NINJ1: variants seen among roughly 807,000 people sequenced by gnomAD.
The protein encoded by NINJ1 is ninjurin 1.
Under a neutral mutation model 12.7 loss-of-function variants are expected in NINJ1, and 6 were observed. The ratio of observed to expected loss-of-function variants is 0.47; its 90% CI spans 0.26 to 0.93. The LOEUF (loss-of-function observed/expected upper bound fraction) is 0.93. Ranked by LOEUF, NINJ1 falls within the 40% of genes least tolerant of loss-of-function variation. NINJ1 has a pLI of 0.15. For synonymous variants in NINJ1, 100 were observed against 96.0 expected (o/e 1.04, Z -0.25); for missense variants, 170 against 213.0 (o/e 0.80, Z 1.26).
chr9:93,125,190 T>G (rs1027712719), intron 2 of NINJ1, 128 bp from the exon 3 acceptor site: 20 of 884,608 alleles, frequency 2.3e-5, no homozygotes, highest in Non-Finnish European at 3.2e-5. Flanking sequence ...CTCAGTCGCA[T>G]TTAGGATGAG....
chr9:93,126,074 G>A, intron 2 of NINJ1: 2 of 318,132 alleles, frequency 6.3e-6, no homozygotes, highest in Non-Finnish European at 5.8e-6. Context: ...ATGAGCGCCT[G>A]TAATCCCAGT....
rs767667390 is a variant in NINJ1 at position 93,126,666 on chromosome 9, C to T, written c.76-28G>A. The stretch of plus-strand genomic sequence containing the variant: ...GCAGGGAGGGGAATGGTCAGCAAGG[C>T]GGGTGGGGGAGGGGGGCAAGGGCTG... On this transcript the variant is annotated intron_variant, in intron 1 of 3. Coordinates refer to ENST00000375446, the MANE Select transcript of NINJ1 (RefSeq NM_004148.4). The T allele has an allele frequency of 1.5e-5, 13 of 884,306 alleles. No homozygotes were observed. In the East Asian group the frequency reaches 2.2e-4, roughly 15 times the overall value. The allele number at this position is 884,306 out of a possible 1,614,324, so 54.8% of individuals were successfully genotyped here. A position where few individuals can be genotyped will look rare whatever the true frequency, so the allele number is the denominator to read the frequency against.
chr9:93,126,327 G>C, intron 2 of NINJ1, 83 bp downstream of exon 2: 1 of 1,222,690 alleles, frequency 8.2e-7, no homozygotes, highest in Non-Finnish European at 1.2e-6. Context: ...AGTGTGCAAG[G>C]TGGTGGGCAC....
At chr9:93,129,328 G>A (rs908993693) in intron 1 of NINJ1, among the ~76,000 whole-genome samples, 8 of 152,200 alleles carry the variant, frequency 5.3e-5, no homozygotes, top group Non-Finnish European at 1.0e-4. Context: ...AGCTGTGTCC[G>A]GACAACTAGC....
rs750690017 is a variant in NINJ1 at position 93,126,507 on chromosome 9, T to C, written c.207A>G (p.Glu69=). ...CATAGAAGGCGAAGCTGGGGCCCTG[T>C]TCCACGACGGCCTTCAGCTGGGACG... ...ANASQLKAVV[E]QGPSFAFYVP... is the part of the protein sequence containing the mutation. Residue 69 remains glutamate (E), a synonymous_variant, in exon 2 of 4, where the codon GAA becomes GAG. Coordinates refer to ENST00000375446, the MANE Select transcript of NINJ1 (RefSeq NM_004148.4). 1 of 1,614,156 alleles carries C rather than the reference T, an allele frequency of 6.2e-7. No individual in the cohort carries two copies. The highest frequency in any genetic ancestry group is 2.2e-5 in the East Asian group (1 of 44,880).
rs371520758 is a variant in NINJ1 at position 93,126,406 on chromosome 9, C to T, written c.304+4G>A. On this transcript the variant is annotated splice_donor_region_variant and intron_variant, in intron 2 of 3. Transcript: ENST00000375446. ...GGCCTGGCTGCCCCCACCTGGGGAC[C>T]TACCAAGGAAGATGAGCAGCACCCC... The T allele has an allele frequency of 8.1e-6, 13 of 1,610,192 alleles. No homozygotes were observed. The highest frequency in any genetic ancestry group is 1.1e-5 in the Non-Finnish European group (13 of 1,177,340).
chr9:93,123,747 G>A (rs1827769351), intron 3 of NINJ1, among the ~76,000 whole-genome samples: 1 of 152,216 alleles, frequency 6.6e-6, no homozygotes, highest in Non-Finnish European at 1.5e-5. Context: ...AACCGGAGGG[G>A]TGACCCCTAG....
Position 93,125,038 on chromosome 9 carries a change from G to C in NINJ1, c.329C>G (p.Ala110Gly), listed in dbSNP as rs2275848. 6.2e-7 allele frequency: 1 copy of C among 1,613,476 alleles called. No individual in the cohort carries two copies. The highest frequency in any genetic ancestry group is 8.5e-7 in the Non-Finnish European group (1 of 1,179,732). Residue 110 changes from alanine to glycine, a missense_variant, in exon 3 of 4, where the codon GCC becomes GGC. Transcript: ENST00000375446. ...FLVKYDLNNP[A>G]KHAKLDFLNN... is the part of the protein sequence containing the mutation. ...GAGGAAGTCCAGCTTGGCGTGCTTG[G>C]CCGGGTTGTTAAGGTCGTACTTGAC...
intron 3 of NINJ1, among the ~76,000 whole-genome samples, chr9:93,122,914 A>T (rs933822285): frequency 6.6e-6 from 1 of 152,232 alleles, no homozygotes; most frequent in African/African-American, 2.4e-5. Context: ...CAGGTGATTA[A>T]TAAATGGCCT....
intron 2 of NINJ1, chr9:93,126,128 T>C (rs1025542317): frequency 2.2e-6 from 1 of 447,222 alleles, no homozygotes; most frequent in African/African-American, 2.0e-5. Context: ...GCCCAGGAGA[T>C]GCAGCTTGCA....
chr9:93,128,042 G>A (rs1827838136), intron 1 of NINJ1, among the ~76,000 whole-genome samples: 1 of 152,196 alleles, frequency 6.6e-6, no homozygotes, highest in Non-Finnish European at 1.5e-5. Flanking sequence ...GGCGTCAGGG[G>A]ACACTGGTGG....
At chr9:93,128,868 A>G (rs1470799586) in intron 1 of NINJ1, among the ~76,000 whole-genome samples, 1 of 152,260 alleles carries the variant, frequency 6.6e-6, no homozygotes, top group African/African-American at 2.4e-5. Flanking sequence ...TGTGCACACA[A>G]TACGCACACA....
At chr9:93,127,837 T>C (rs774728973) in intron 1 of NINJ1, among the ~76,000 whole-genome samples, 1 of 152,182 alleles carries the variant, frequency 6.6e-6, no homozygotes, top group Non-Finnish European at 1.5e-5. Context: ...TCATGAAAGA[T>C]GCAGGCCGGG....
chr9:93,123,772 G>C (rs189548592), intron 3 of NINJ1, among the ~76,000 whole-genome samples: 1 of 152,202 alleles, frequency 6.6e-6, no homozygotes, highest in Non-Finnish European at 1.5e-5. Flanking sequence ...AAGGTCGCGG[G>C]GACTGTGGTG....
chr9:93,129,582 G>A (rs1353356313), intron 1 of NINJ1, among the ~76,000 whole-genome samples: 2 of 152,140 alleles, frequency 1.3e-5, no homozygotes, highest in Non-Finnish European at 2.9e-5. Flanking sequence ...CTCCCCCTCC[G>A]TTGGCCTCAG....
intron 1 of NINJ1, among the ~76,000 whole-genome samples, chr9:93,127,383 A>G (rs887328363): frequency 6.6e-6 from 1 of 152,138 alleles, no homozygotes; most frequent in African/African-American, 2.4e-5. Context: ...TTAGGGGCCT[A>G]TCTGGTCAGG....
At position 93,126,515 on chromosome 9, in the gene NINJ1, C is replaced by T. The variant is rs368328185; in HGVS notation, c.199G>A (p.Val67Ile). The T allele has an allele frequency of 2.0e-5, 33 of 1,614,068 alleles. No homozygotes were observed. Among genetic ancestry groups the T allele is most frequent in the Non-Finnish European group, 2.5e-5 (30 of 1,180,034 alleles). ...LMANASQLKAVVEQGPSFAFY... is the reference protein window; with the variant it reads ...LMANASQLKAIVEQGPSFAFY... ...GCGAAGCTGGGGCCCTGTTCCACGA[C>T]GGCCTTCAGCTGGGACGCGTTGGCC... Residue 67 changes from valine to isoleucine, a missense_variant, in exon 2 of 4, where the codon GTC becomes ATC. Transcript: ENST00000375446.
chr9:93,128,469 C>A (rs1353289203), intron 1 of NINJ1, among the ~76,000 whole-genome samples: 1 of 152,200 alleles, frequency 6.6e-6, no homozygotes, highest in Admixed American at 6.5e-5. Flanking sequence ...CCCAGGCTGC[C>A]CAGGGTCTGG....
chr9:93,134,176 C>A lies in NINJ1; in HGVS notation c.42G>T (p.Leu14=). ...GTEEYELNGG[L]PPGTPGSPDA... is the part of the protein sequence containing the mutation. The stretch of plus-strand genomic sequence containing the variant: ...CCGGGGAGCCGGGTGTGCCCGGAGG[C>A]AGGCCGCCGTTGAGCTCGTACTCCT... The change falls in exon 1 of 4, where the codon CTG becomes CTT. Residue 14 remains leucine, a synonymous_variant. Transcript: ENST00000375446. 1.9e-6 allele frequency: 3 copies of A among 1,552,920 alleles called. No homozygotes were observed. Among genetic ancestry groups the A allele is most frequent in the Admixed American group, 1.9e-5 (1 of 51,774 alleles).
Sources: gnomAD v4.1 joint callset for allele counts (sites outside exome capture counted in the v4.1 genomes callset) on GRCh38, gnomAD v4.1.1 for gene constraint, MANE v1.5 for transcripts, NCBI Gene and HGNC (gene_info 2026-07-23, HGNC 2026-07-21) for gene names.